Variants in YPEL1 observed in about 807,000 individuals in gnomAD.
YPEL1 encodes the protein yippee like 1.
In YPEL1, 7 loss-of-function variants were observed where a neutral mutation model predicts 17.3. The ratio of observed to expected loss-of-function variants is 0.40; its 90% CI spans 0.23 to 0.76. The LOEUF is 0.76. YPEL1 is among the 30% of genes least tolerant of loss of function. The probability of loss-of-function intolerance (pLI) is 0.35; values close to 1 mark genes in which losing one functional copy is unlikely to be tolerated. For missense variants in YPEL1, 91 were observed against 155.5 expected (o/e 0.59, Z 2.21); for synonymous variants, 59 against 59.6 (o/e 0.99, Z 0.05).
At chr22:21,711,656 A>T (rs951168902) in intron 1 of YPEL1, among the ~76,000 whole-genome samples, 2 of 151,424 alleles carry the variant, frequency 1.3e-5, no homozygotes, top group Non-Finnish European at 3.0e-5. Context: ...GTGTCACAAC[A>T]ACTGGATATC....
intron 2 of YPEL1, 184 bp from the exon 3 acceptor site, chr22:21,704,066 A>G (rs2236643): frequency 0.42 from 310,352 of 737,360 alleles, 68,003 homozygotes; most frequent in Non-Finnish European, 0.44. Flanking sequence ...CGGAGCTGCA[A>G]GCTGTTTTTC....
Position 21,703,748 on chromosome 22 carries a change from C to A in YPEL1, c.161+91G>T. On this transcript the variant is annotated intron_variant, in intron 3 of 4. Coordinates refer to ENST00000339468, the MANE Select transcript of YPEL1 (RefSeq NM_013313.5). The surrounding 1 kb of genome is among the most constrained non-coding windows in gnomAD (Gnocchi z 6.1). ...GGGTTCTTTCAGGACCCCTAAAGACCCAGGTGATTCTACACAGGGCACTGT... is the reference window on the plus strand; with the variant it reads ...GGGTTCTTTCAGGACCCCTAAAGACACAGGTGATTCTACACAGGGCACTGT... 7.0e-7 allele frequency: 1 copy of A among 1,418,756 alleles called. No individual in the cohort carries two copies. Among genetic ancestry groups the A allele is most frequent in the Admixed American group, 2.2e-5 (1 of 44,554 alleles). The allele number at this position is 1,418,756 out of a possible 1,614,324, so 87.9% of individuals were successfully genotyped here.
intron 1 of YPEL1, among the ~76,000 whole-genome samples, chr22:21,712,328 A>G (rs1004623945): frequency 6.7e-6 from 1 of 149,306 alleles, no homozygotes; most frequent in Non-Finnish European, 1.5e-5. Context: ...TATTCTCTAT[A>G]TATCCATATT....
chr22:21,719,420 G>A (rs2068258621), intron 1 of YPEL1, among the ~76,000 whole-genome samples: 1 of 152,060 alleles, frequency 6.6e-6, no homozygotes, highest in African/African-American at 2.4e-5. Flanking sequence ...TTCTTTCCCT[G>A]GACTTCCCTT....
Position 21,703,616 on chromosome 22 carries a change from TC to T in YPEL1, c.162-139del. On this transcript the variant is annotated intron_variant, in intron 3 of 4. Transcript: ENST00000339468. The surrounding 1 kb of genome is among the most constrained non-coding windows in gnomAD (Gnocchi z 6.1). ...CTCCCAGAGAGCAGTGCCGTGCCTC[TC>T]CCCCAGCCCTGCCCGCCACCACCAT... 1 of 836,736 alleles carries T rather than the reference TC, an allele frequency of 1.2e-6. No individual in the cohort carries two copies. 51.8% of individuals were successfully genotyped at this position (836,736 alleles called of 1,614,324 possible). A position where few individuals can be genotyped will look rare whatever the true frequency, so the allele number is the denominator to read the frequency against.
chr22:21,725,219 A>AT (rs1344427738), intron 1 of YPEL1, among the ~76,000 whole-genome samples: 8 of 140,364 alleles, frequency 5.7e-5, no homozygotes, highest in African/African-American at 2.2e-4. Flanking sequence ...CTAAAATGGT[A>AT]ATTTTTTTTT....
intron 1 of YPEL1, among the ~76,000 whole-genome samples, chr22:21,714,102 G>A (rs2148604573): frequency 6.6e-6 from 1 of 150,994 alleles, no homozygotes; most frequent in South Asian, 2.1e-4. Flanking sequence ...GCCCTTCCAT[G>A]GGATGACACC....
intron 1 of YPEL1, among the ~76,000 whole-genome samples, chr22:21,732,745 G>A (rs1159151834): frequency 6.6e-6 from 1 of 151,956 alleles, no homozygotes; most frequent in African/African-American, 2.4e-5. Context: ...TCACGCCACT[G>A]CACTCCAGCC....
intron 1 of YPEL1, among the ~76,000 whole-genome samples, chr22:21,715,761 CTTTTTTTT>C (rs746097162): frequency 1.2e-5 from 1 of 85,784 alleles, no homozygotes; most frequent in Non-Finnish European, 2.4e-5. Context: ...TTTTTCTTTT[CTTTTTTTT>C]TTTTTTTTTT....
chr22:21,724,632 G>T lies in YPEL1; in HGVS notation c.-165+10983C>A, dbSNP rs575884984. Among the ~76,000 whole-genome samples, 4 of 150,218 alleles carry T rather than the reference G, an allele frequency of 2.7e-5. No individual in the cohort carries two copies. The East Asian group carries it at 7.9e-4, about 30-fold the overall frequency. On this transcript the variant is annotated intron_variant, in intron 1 of 4. Coordinates refer to ENST00000339468, the MANE Select transcript of YPEL1 (RefSeq NM_013313.5). ...GTCTCACTCTGTTGCCCAGGCTGGA[G>T]TGCAGTGGCATAATCTCAGCTCACT...
intron 1 of YPEL1, among the ~76,000 whole-genome samples, chr22:21,713,018 A>G (rs925853364): frequency 6.6e-6 from 1 of 152,168 alleles, no homozygotes; most frequent in African/African-American, 2.4e-5. Context: ...AAGGTGCTCC[A>G]TGTCACTGAT....
intron 1 of YPEL1, among the ~76,000 whole-genome samples, chr22:21,716,961 G>A (rs893037688): frequency 2.0e-5 from 3 of 152,202 alleles, no homozygotes; most frequent in Non-Finnish European, 2.9e-5. Context: ...AAAAACAGGT[G>A]TAGACATTCT....
At chr22:21,725,513 G>A (rs1436927108) in intron 1 of YPEL1, among the ~76,000 whole-genome samples, 2 of 152,052 alleles carry the variant, frequency 1.3e-5, no homozygotes, top group Non-Finnish European at 2.9e-5. Context: ...ACAGGTGTGA[G>A]CCACTGTGCC....
chr22:21,710,188 C>G (rs1431780148), intron 2 of YPEL1, among the ~76,000 whole-genome samples: 1 of 152,126 alleles, frequency 6.6e-6, no homozygotes, highest in Non-Finnish European at 1.5e-5. Context: ...CCTACACAAC[C>G]GACAAACGCA....
rs1342867742 is a variant in YPEL1 at position 21,698,224 on chromosome 22, A to C, written c.*2905T>G. The C allele has an allele frequency of 1.4e-5, 1 of 73,360 alleles. No homozygotes were observed. Among genetic ancestry groups the C allele is most frequent in the East Asian group, 5.6e-4 (1 of 1,786 alleles). 4.5% of individuals were successfully genotyped at this position (73,360 alleles called of 1,614,324 possible). On this transcript the variant is annotated 3_prime_UTR_variant, in exon 5 of 5. Transcript: ENST00000339468. Reference sequence around the variant, plus strand: ...AGCTTGTATTTTGCAGAAGCCCAACAAAAAAAAAGTGATAAAAGTGTTGTT... The same window carrying C: ...AGCTTGTATTTTGCAGAAGCCCAACCAAAAAAAAGTGATAAAAGTGTTGTT...
intron 1 of YPEL1, among the ~76,000 whole-genome samples, chr22:21,732,461 A>G (rs1365726915): frequency 2.6e-5 from 4 of 152,210 alleles, no homozygotes; most frequent in African/African-American, 4.8e-5. Flanking sequence ...TTTGTTTATT[A>G]GTCTTCCATG....
intron 1 of YPEL1, among the ~76,000 whole-genome samples, chr22:21,717,144 G>A (rs571718053): frequency 0.022 from 2,335 of 107,054 alleles, 60 homozygotes; most frequent in African/African-American, 0.064. Flanking sequence ...GGCTGGGGGG[G>A]CGGGGGGCGG....
At position 21,703,712 on chromosome 22, in the gene YPEL1, G is replaced by GGGC. The variant is rs1555903188; in HGVS notation, c.161+126_161+127insGCC. The GGGC allele has an allele frequency of 5.4e-6, 6 of 1,108,264 alleles. No homozygotes were observed. The highest frequency in any genetic ancestry group is 1.6e-5 in the African/African-American group (1 of 63,046). The allele number at this position is 1,108,264 out of a possible 1,614,324, so 68.7% of individuals were successfully genotyped here. A position where few individuals can be genotyped will look rare whatever the true frequency, so the allele number is the denominator to read the frequency against. On this transcript the variant is annotated intron_variant, in intron 3 of 4. Coordinates refer to ENST00000339468, the MANE Select transcript of YPEL1 (RefSeq NM_013313.5). The surrounding 1 kb of genome is among the most constrained non-coding windows in gnomAD (Gnocchi z 6.1). ...TTAGCGCGTTTCAGAAACTCCCGGC[G>GGGC]GGGGGATGGTGGGTTCTTTCAGGAC...
At position 21,713,651 on chromosome 22, in the gene YPEL1, T is replaced by G. The variant is rs1294667005; in HGVS notation, c.-164-2743A>C. On this transcript the variant is annotated intron_variant, in intron 1 of 4. Transcript: ENST00000339468. ...ATGAAGAATTCTGGAGGTTGGAGGG[T>G]GGCGATGGCTGTACAAAAATGTGAA... 2.6e-5 allele frequency among the ~76,000 whole-genome samples: 4 copies of G among 152,236 alleles called. No individual in the cohort carries two copies. The East Asian group carries it at 5.8e-4, about 22-fold the overall frequency.
Sources: allele counts gnomAD v4.1 joint callset (sites outside exome capture counted in the v4.1 genomes callset), GRCh38; gene constraint gnomAD v4.1.1; non-coding constraint Gnocchi (gnomAD v3.1); transcripts MANE v1.5; gene names NCBI Gene and HGNC (gene_info 2026-07-23, HGNC 2026-07-21).